Variants in UBL3 observed in about 807,000 individuals in gnomAD.
The protein encoded by UBL3 is ubiquitin like 3.
A neutral mutation model predicts 18.4 loss-of-function variants in UBL3; 6 were observed. That is an observed-to-expected ratio of 0.33 (90% CI 0.18 to 0.64). UBL3 has a LOEUF of 0.64. Ranked by LOEUF, UBL3 falls within the 30% of genes least tolerant of loss-of-function variation. UBL3 has a pLI of 0.76. For synonymous variants in UBL3, 49 were observed against 46.6 expected (o/e 1.05, Z -0.21); for missense variants, 109 against 142.9 (o/e 0.76, Z 1.21).
chr13:29,836,421 C>T (rs538049650), intron 1 of UBL3, among the ~76,000 whole-genome samples: 1 of 151,766 alleles, frequency 6.6e-6, no homozygotes, highest in East Asian at 1.9e-4. Flanking sequence ...AATTAGGCTA[C>T]CTATGAGAGA....
intron 1 of UBL3, among the ~76,000 whole-genome samples, chr13:29,809,612 G>A (rs1204679809): frequency 1.3e-5 from 2 of 152,114 alleles, no homozygotes; most frequent in East Asian, 3.8e-4. Context: ...AGGAACAGAA[G>A]CTGACAGACC....
At chr13:29,772,225 G>C in intron 2 of UBL3, 27 bp from the exon 3 acceptor site, 1 of 1,568,620 alleles carries the variant, frequency 6.4e-7, no homozygotes. Flanking sequence ...GTACTGGTTA[G>C]GTATATTCCA....
intron 3 of UBL3, among the ~76,000 whole-genome samples, chr13:29,769,149 A>G (rs1277483258): frequency 6.6e-6 from 1 of 152,160 alleles, no homozygotes; most frequent in African/African-American, 2.4e-5. Context: ...GAAAGCATTC[A>G]GTATATACTA....
At chr13:29,816,738 GAGCA>G in intron 1 of UBL3, among the ~76,000 whole-genome samples, 1 of 116,890 alleles carries the variant, frequency 8.6e-6, no homozygotes, top group Non-Finnish European at 1.7e-5. Flanking sequence ...CTGGGTGACT[GAGCA>G]AGACCCTGTC....
intron 1 of UBL3, among the ~76,000 whole-genome samples, chr13:29,788,838 AGTGT>A (rs58898742): frequency 0.25 from 34,184 of 138,000 alleles, 4,076 homozygotes; most frequent in East Asian, 0.37. Context: ...TTAATGGGGA[AGTGT>A]GTGTGTGTGT....
intron 1 of UBL3, among the ~76,000 whole-genome samples, chr13:29,796,652 C>T (rs944930794): frequency 2.0e-5 from 3 of 152,172 alleles, no homozygotes; most frequent in Admixed American, 6.5e-5. Context: ...TGAAAAGATG[C>T]TCAGCATGAT....
chr13:29,766,217 A>C lies in UBL3; in HGVS notation c.*1038T>G, dbSNP rs1157131596. The stretch of plus-strand genomic sequence containing the variant: ...AAAGTGGCATTCTTGTGTATGCCAT[A>C]AAAATCAGCTTTTGACTTTAATACA... On this transcript the variant is annotated 3_prime_UTR_variant, in exon 5 of 5. Transcript: ENST00000380680. 1.3e-5 allele frequency: 2 copies of C among 152,586 alleles called. No homozygotes were observed. The highest frequency in any genetic ancestry group is 2.9e-5 in the Non-Finnish European group (2 of 68,008). 9.5% of individuals were successfully genotyped at this position (152,586 alleles called of 1,614,324 possible).
chr13:29,837,915 C>CAATAATAAT (rs373812724), intron 1 of UBL3, among the ~76,000 whole-genome samples: 7,888 of 141,436 alleles, frequency 0.056, 275 homozygotes, highest in Middle Eastern at 0.092. Context: ...GACTCTGTCT[C>CAATAATAAT]AATAATAATA....
rs557452608 is a variant in UBL3, at chr13:29,821,250, T to C, written c.27+28262A>G. Among the ~76,000 whole-genome samples, 13 of 152,358 alleles carry C rather than the reference T, an allele frequency of 8.5e-5. No individual in the cohort carries two copies. The East Asian group carries it at 2.1e-3, about 25-fold the overall frequency. On this transcript the variant is annotated intron_variant, in intron 1 of 4. Coordinates refer to ENST00000380680, the MANE Select transcript of UBL3 (RefSeq NM_007106.4). ...TCTGAGCAGTGTTTCAATATATTTA[T>C]ACTTTTTTAACCTATTACTTATAGG...
chr13:29,845,961 T>C (rs1879218585), intron 1 of UBL3, among the ~76,000 whole-genome samples: 1 of 152,108 alleles, frequency 6.6e-6, no homozygotes, highest in South Asian at 2.1e-4. Context: ...TTGTATACAA[T>C]ACTCTTATAA....
At chr13:29,829,637 C>T (rs577957765) in intron 1 of UBL3, among the ~76,000 whole-genome samples, 37 of 151,786 alleles carry the variant, frequency 2.4e-4, no homozygotes, top group African/African-American at 8.7e-4. Context: ...TTGCACTTCC[C>T]GGGTGAGGTG....
chr13:29,849,678 G>C lies in UBL3; in HGVS notation c.-140C>G. On this transcript the variant is annotated 5_prime_UTR_variant, in exon 1 of 5. Coordinates refer to ENST00000380680, the MANE Select transcript of UBL3 (RefSeq NM_007106.4). Reference sequence around the variant, plus strand: ...TCTCCCCCAAAAATAAAGTTATTTTGGAGCCAAAGTGCCGGTCAGGCCGAG... The same window carrying C: ...TCTCCCCCAAAAATAAAGTTATTTTCGAGCCAAAGTGCCGGTCAGGCCGAG... 1 of 1,153,514 alleles carries C rather than the reference G, an allele frequency of 8.7e-7. No individual in the cohort carries two copies. Among genetic ancestry groups the C allele is most frequent in the Non-Finnish European group, 1.2e-6 (1 of 801,960 alleles). The allele number at this position is 1,153,514 out of a possible 1,614,324, so 71.5% of individuals were successfully genotyped here. A position where few individuals can be genotyped will look rare whatever the true frequency, so the allele number is the denominator to read the frequency against.
intron 3 of UBL3, among the ~76,000 whole-genome samples, chr13:29,770,774 C>T (rs1876820182): frequency 6.6e-6 from 1 of 151,586 alleles, no homozygotes; most frequent in African/African-American, 2.4e-5. Flanking sequence ...ACAGTCAATT[C>T]TTACATGAAG....
chr13:29,835,107 A>AATATAT lies in UBL3; in HGVS notation c.27+14399_27+14404dup, dbSNP rs777840058. On this transcript the variant is annotated intron_variant, in intron 1 of 4. Coordinates refer to ENST00000380680, the MANE Select transcript of UBL3 (RefSeq NM_007106.4). ...AAATATAAATATATATATATATATA[A>AATATAT]ATATATATATATATATAAATATATA... 7.4e-3 allele frequency among the ~76,000 whole-genome samples: 176 copies of AATATAT among 23,790 alleles called. 14 individuals are homozygous for AATATAT. Among genetic ancestry groups the AATATAT allele is most frequent in the Non-Finnish European group, 9.8e-3 (138 of 14,030 alleles). 15.6% of individuals were successfully genotyped at this position (23,790 alleles called of 152,430 possible). A position where few individuals can be genotyped will look rare whatever the true frequency, so the allele number is the denominator to read the frequency against.
intron 1 of UBL3, among the ~76,000 whole-genome samples, chr13:29,788,878 C>T (rs1385338003): frequency 1.3e-4 from 4 of 30,926 alleles, no homozygotes; most frequent in South Asian, 1.6e-3. Context: ...TGTGCGCGCG[C>T]GCGCGCACGC....
chr13:29,796,902 G>A (rs1319446089), intron 1 of UBL3, among the ~76,000 whole-genome samples: 1 of 152,090 alleles, frequency 6.6e-6, no homozygotes, highest in East Asian at 1.9e-4. Flanking sequence ...TTCCTCAAGG[G>A]CTTCATATTC....
intron 1 of UBL3, among the ~76,000 whole-genome samples, chr13:29,799,467 T>C (rs1313135200): frequency 6.6e-6 from 1 of 152,216 alleles, no homozygotes; most frequent in African/African-American, 2.4e-5. Context: ...CTGAAGATGT[T>C]ATATGGTTAA....
intron 1 of UBL3, among the ~76,000 whole-genome samples, chr13:29,790,686 T>C (rs984923432): frequency 1.3e-5 from 2 of 152,194 alleles, no homozygotes; most frequent in Admixed American, 6.5e-5. Context: ...CACAGAATTC[T>C]TGCAGTGAAT....
chr13:29,803,167 G>A (rs1877814802), intron 1 of UBL3, among the ~76,000 whole-genome samples: 1 of 152,080 alleles, frequency 6.6e-6, no homozygotes, highest in African/African-American at 2.4e-5. Context: ...AGTTTAATAA[G>A]CAAAGGAGAA....
Sources: allele counts gnomAD v4.1 joint callset (sites outside exome capture counted in the v4.1 genomes callset), GRCh38; gene constraint gnomAD v4.1.1; transcripts MANE v1.5; gene names NCBI Gene and HGNC (gene_info 2026-07-23, HGNC 2026-07-21).